FAM153A: variants seen among roughly 807,000 people sequenced by gnomAD.
FAM153A encodes protein FAM153A.
FAM153A carries 12 observed loss-of-function variants against 48.1 expected under a neutral mutation model. That is an observed-to-expected ratio of 0.25 (90% CI 0.16 to 0.40). The LOEUF is 0.40. FAM153A is among the 10% of genes least tolerant of loss of function. The pLI is 1.00. For missense variants in FAM153A, 111 were observed against 345.8 expected, an observed-to-expected ratio of 0.32 and a Z score of 5.38; for synonymous variants, 36 against 118.2, an observed-to-expected ratio of 0.30 and a Z score of 4.51.
rs746959885 is a variant in FAM153A, at chr5:177,737,033, C to A, written c.633+9G>T. On this transcript the variant is annotated intron_variant, in intron 11 of 20. Coordinates refer to ENST00000614127, the Ensembl canonical transcript of FAM153A. ...AATTTCCTTTTCAGAGGAAAGAAGA[C>A]GACTTTACCGTGTGAACTTCTGTGG... 1 of 1,456,564 alleles carries A rather than the reference C, an allele frequency of 6.9e-7. No homozygotes were observed. Among genetic ancestry groups the A allele is most frequent in the South Asian group, 1.2e-5 (1 of 80,836 alleles). 90.2% of individuals were successfully genotyped at this position (1,456,564 alleles called of 1,614,324 possible).
At chr5:177,696,355 C>T in the FAM153A span, among the ~76,000 whole-genome samples, 14 of 149,768 alleles carry the variant, frequency 9.3e-5, no homozygotes, top group African/African-American at 2.5e-4. Flanking sequence ...CGGGCAGAGG[C>T]GCTCCTCAAT....
chr5:177,707,311 TA>T (rs1561846584), downstream of FAM153A, among the ~76,000 whole-genome samples: 1 of 151,778 alleles, frequency 6.6e-6, no homozygotes. Context: ...AAAAAGCATT[TA>T]AAAAATGAAA....
At chr5:177,717,095 A>G (rs2127571634) in intron 24 of FAM153A, 1 of 149,280 alleles carries the variant, frequency 6.7e-6, no homozygotes, top group South Asian at 2.1e-4. Context: ...CGTACCAAAG[A>G]AATTATATTT....
chr5:177,715,253 A>G (rs1342703402), intron 25 of FAM153A, among the ~76,000 whole-genome samples: 1 of 151,600 alleles, frequency 6.6e-6, no homozygotes, highest in East Asian at 1.9e-4. Flanking sequence ...AAGTGCTGAG[A>G]TTACAGGCGT....
the FAM153A span, among the ~76,000 whole-genome samples, chr5:177,702,400 A>G: frequency 6.6e-6 from 1 of 151,884 alleles, no homozygotes; most frequent in Non-Finnish European, 1.5e-5. Flanking sequence ...ATGCATGAGC[A>G]AAGAAATGAC....
the FAM153A span, among the ~76,000 whole-genome samples, chr5:177,698,865 C>G: frequency 7.2e-5 from 11 of 151,754 alleles, no homozygotes; most frequent in African/African-American, 2.4e-4. Context: ...GCCATGTTGC[C>G]CAGGCTGGTC....
chr5:177,701,827 C>T, the FAM153A span, among the ~76,000 whole-genome samples: 2,107 of 151,636 alleles, frequency 0.014, 99 homozygotes, highest in African/African-American at 0.049. Context: ...ATCAAAATGC[C>T]AGTAGTGATG....
upstream of FAM153A, chr5:177,782,731 A>C (rs2127726926): frequency 1.2e-5 from 1 of 86,142 alleles, no homozygotes; most frequent in South Asian, 4.6e-4. Flanking sequence ...TCCAAATCCC[A>C]ATCCGCGATA....
Position 177,739,513 on chromosome 5 carries a change from T to C in FAM153A, c.537+87A>G, listed in dbSNP as rs763073591. On this transcript the variant is annotated intron_variant, in intron 9 of 20. Transcript: ENST00000614127. Reference sequence around the variant, plus strand: ...AAGTCATCTAAAATGTACATGGCAGTAAGATTTTCCTATCTTTATTCAAGT... The same window carrying C: ...AAGTCATCTAAAATGTACATGGCAGCAAGATTTTCCTATCTTTATTCAAGT... The C allele has an allele frequency of 2.8e-5, 31 of 1,115,368 alleles. 8 individuals are homozygous for C. The highest frequency in any genetic ancestry group is 3.3e-5 in the Non-Finnish European group (27 of 810,878). 69.1% of individuals were successfully genotyped at this position (1,115,368 alleles called of 1,614,324 possible). A position where few individuals can be genotyped will look rare whatever the true frequency, so the allele number is the denominator to read the frequency against.
chr5:177,728,592 G>A (rs1172745456), intron 18 of FAM153A, among the ~76,000 whole-genome samples: 18 of 145,166 alleles, frequency 1.2e-4, no homozygotes, highest in South Asian at 2.1e-4. Context: ...TTTTTGAGAC[G>A]GAGTTTCGCT....
chr5:177,760,060 G>C (rs556298955), intron 1 of FAM153A, among the ~76,000 whole-genome samples: 1 of 149,136 alleles, frequency 6.7e-6, no homozygotes, highest in South Asian at 2.1e-4. Context: ...CAGAATTTGG[G>C]AAGGAACACA....
downstream of FAM153A, among the ~76,000 whole-genome samples, chr5:177,709,346 G>A (rs1223407823): frequency 7.6e-6 from 1 of 131,448 alleles, no homozygotes; most frequent in African/African-American, 2.8e-5. Context: ...TATTTGCAAT[G>A]TGATGTAATT....
intron 1 of FAM153A, among the ~76,000 whole-genome samples, chr5:177,760,234 CCTTTTTT>C (rs1419808311): frequency 1.0e-5 from 1 of 96,860 alleles, no homozygotes; most frequent in Admixed American, 1.2e-4. Flanking sequence ...TTGGGAAAGA[CCTTTTTT>C]TTTTTTTTTT....
Position 177,747,482 on chromosome 5 carries a change from G to A in FAM153A, c.259+287C>T, listed in dbSNP as rs998003822. The A allele has an allele frequency of 2.5e-5, 10 of 398,534 alleles. 2 individuals are homozygous for A. The highest frequency in any genetic ancestry group is 4.8e-5 in the African/African-American group (2 of 41,406). 24.7% of individuals were successfully genotyped at this position (398,534 alleles called of 1,614,324 possible). ...TTTCTGGGGAAAAGCACACAAACTC[G>A]CAGAGACATTCACAATCATTCCACA... On this transcript the variant is annotated intron_variant, in intron 4 of 20. Coordinates refer to ENST00000614127, the Ensembl canonical transcript of FAM153A.
chr5:177,768,994 C>A (rs1253592596), intron 1 of FAM153A, among the ~76,000 whole-genome samples: 1 of 90,356 alleles, frequency 1.1e-5, no homozygotes. Context: ...GAGGCCGAGG[C>A]GGGCAGATCA....
chr5:177,764,643 T>G (rs1768586291), intron 1 of FAM153A, among the ~76,000 whole-genome samples: 1 of 150,654 alleles, frequency 6.6e-6, no homozygotes, highest in African/African-American at 2.4e-5. Context: ...CTGGCCCAGA[T>G]GAGGAGCACC....
upstream of FAM153A, among the ~76,000 whole-genome samples, chr5:177,756,079 T>C (rs1767697973): frequency 6.7e-6 from 1 of 149,160 alleles, no homozygotes; most frequent in East Asian, 1.9e-4. Context: ...GTGTGCTATA[T>C]TCAGGAAACC....
chr5:177,715,308 T>A (rs1582162088), intron 25 of FAM153A, among the ~76,000 whole-genome samples: 2 of 144,202 alleles, frequency 1.4e-5, no homozygotes, highest in African/African-American at 5.1e-5. Context: ...CACAATAATA[T>A]TATAACAAGA....
downstream of FAM153A, among the ~76,000 whole-genome samples, chr5:177,706,256 G>A (rs1221690281): frequency 3.3e-5 from 5 of 151,572 alleles, no homozygotes; most frequent in African/African-American, 1.2e-4. Context: ...GAGTGCAGTG[G>A]CGCAGTCTCG....
Sources: allele counts gnomAD v4.1 joint callset (sites outside exome capture counted in the v4.1 genomes callset), GRCh38; gene constraint gnomAD v4.1.1; transcripts MANE v1.5; gene names NCBI Gene and HGNC (gene_info 2026-07-23, HGNC 2026-07-21).